The following CIT variants were observed in gnomAD, a reference collection of about 807,000 sequenced individuals.
The protein encoded by CIT is citron rho-interacting serine/threonine kinase, also known as citron Rho-interacting kinase.
A neutral mutation model predicts 272.7 loss-of-function variants in CIT; 79 were observed. The ratio of observed to expected loss-of-function variants is 0.29; its 90% confidence interval spans 0.24 to 0.35. The LOEUF (loss-of-function observed/expected upper bound fraction) is 0.35, where lower values mean the gene tolerates loss of function less well. CIT is among the 10% of genes least tolerant of loss of function. The probability of loss-of-function intolerance (pLI) is 1.00; values close to 1 mark genes in which losing one functional copy is unlikely to be tolerated. For synonymous variants in CIT, 948 were observed against 995.6 expected (o/e 0.95, Z 0.90); for missense variants, 1,909 against 2,618.3 (o/e 0.73, Z 5.91).
At chr12:119,734,075 CG>C in intron 26 of CIT, 88 bp downstream of exon 26, 1 of 1,371,616 alleles carries the variant, frequency 7.3e-7, no homozygotes, top group Non-Finnish European at 9.9e-7. Context: ...TCAGTCTCGG[CG>C]GGAATAGCTG....
intron 13 of CIT, among the ~76,000 whole-genome samples, chr12:119,780,066 C>G (rs1347130855): frequency 2.0e-5 from 3 of 152,116 alleles, no homozygotes; most frequent in Admixed American, 6.5e-5. Flanking sequence ...CGCAAGTCTT[C>G]TGAATGGAGC....
At position 119,718,905 on chromosome 12, in the gene CIT, C is replaced by T; in HGVS notation, c.3841-44G>A. ...ATATCTCCTAACTCCTGGAAACTGG[C>T]ACTTGAAACTAGCTAAAGGAAATCT... On this transcript the variant is annotated intron_variant, in intron 30 of 47. Transcript: ENST00000392521. The surrounding 1 kb of genome is among the most constrained non-coding windows in gnomAD (Gnocchi z 4.8). 6.3e-7 allele frequency: 1 copy of T among 1,596,236 alleles called. No individual in the cohort carries two copies. The highest frequency in any genetic ancestry group is 8.6e-7 in the Non-Finnish European group (1 of 1,165,744).
chr12:119,862,823 A>AAAAAAAAAAAAAAAAAAG (rs1950387132), intron 3 of CIT, among the ~76,000 whole-genome samples: 1 of 134,200 alleles, frequency 7.5e-6, no homozygotes, highest in African/African-American at 3.2e-5. Flanking sequence ...AAAAAAAAAA[A>AAAAAAAAAAAAAAAAAAG]AAAAAAAAAA....
Position 119,720,478 on chromosome 12 carries a change from CT to C in CIT, c.3839del (p.Lys1280ArgfsTer24). On this transcript the variant is annotated frameshift_variant and splice_region_variant, in exon 30 of 48. Coordinates refer to ENST00000392521, the MANE Select transcript of CIT (RefSeq NM_001206999.2). LOFTEE classifies it high-confidence loss of function. ...CCACTTTTCAAACACTTTGACTCAC[CT>C]TTTTCTTTTTAGCAGGTTGGTCCAT... ...AKMDQPAKKKKGLFSRRKEDP... is the reference protein window; with the variant it reads ...AKMDQPAKKKXGLFSRRKEDP... The C allele has an allele frequency of 1.9e-6, 3 of 1,605,612 alleles. No individual in the cohort carries two copies. Among genetic ancestry groups the C allele is most frequent in the Non-Finnish European group, 1.7e-6 (2 of 1,176,010 alleles).
At chr12:119,855,854 A>G (rs1018584400) in intron 4 of CIT, among the ~76,000 whole-genome samples, 1 of 152,042 alleles carries the variant, frequency 6.6e-6, no homozygotes. Context: ...ATTTCCCATC[A>G]AAAACATAAG....
intron 24 of CIT, among the ~76,000 whole-genome samples, chr12:119,741,485 T>C (rs1959056309): frequency 6.6e-6 from 1 of 152,244 alleles, no homozygotes. Flanking sequence ...CATTATTATG[T>C]GCTTTACTAG....
Position 119,689,695 on chromosome 12 carries a change from T to TTTTTTTG in CIT, c.6186+455_6186+456insCAAAAAA, listed in dbSNP as rs1555213865. Among the ~76,000 whole-genome samples the TTTTTTTG allele has an allele frequency of 7.7e-5, 11 of 142,270 alleles. 1 individual carries two copies. Among genetic ancestry groups the TTTTTTTG allele is most frequent in the African/African-American group, 2.9e-4 (11 of 37,304 alleles). The allele number at this position is 142,270 out of a possible 152,430, so 93.3% of individuals were successfully genotyped here. A position where few individuals can be genotyped will look rare whatever the true frequency, so the allele number is the denominator to read the frequency against. On this transcript the variant is annotated intron_variant, in intron 47 of 47. Coordinates refer to ENST00000392521, the MANE Select transcript of CIT (RefSeq NM_001206999.2). Reference sequence around the variant, plus strand: ...TTTTTTTTTTTTTTTTTTTTTTTTTTAAGACAGAGTCTCGCTCTGTCACCC... The same window carrying TTTTTTTG: ...TTTTTTTTTTTTTTTTTTTTTTTTTTTTTTTTGAAGACAGAGTCTCGCTCTGTCACCC...
At chr12:119,864,073 T>G (rs1164858228) in intron 3 of CIT, among the ~76,000 whole-genome samples, 3 of 152,020 alleles carry the variant, frequency 2.0e-5, no homozygotes, top group Middle Eastern at 6.3e-3. Flanking sequence ...CAGACTCAGA[T>G]GCACGTTTAA....
chr12:119,687,703 C>G lies in CIT; in HGVS notation c.*529G>C, dbSNP rs780927603. The G allele has an allele frequency of 1.3e-5, 2 of 152,196 alleles. No individual in the cohort carries two copies. The highest frequency in any genetic ancestry group is 4.9e-5 in the African/African-American group (2 of 40,828). 9.4% of individuals were successfully genotyped at this position (152,196 alleles called of 1,614,324 possible). ...ACCGGGACTGTTCTACACTATGCCTCGGTGGCAAAGACCTGATGATGTGGT... is the reference window on the plus strand; with the variant it reads ...ACCGGGACTGTTCTACACTATGCCTGGGTGGCAAAGACCTGATGATGTGGT... On this transcript the variant is annotated 3_prime_UTR_variant, in exon 48 of 48. Coordinates refer to ENST00000392521, the MANE Select transcript of CIT (RefSeq NM_001206999.2).
At chr12:119,720,415 T>C in intron 30 of CIT, 63 bp downstream of exon 30, 1 of 1,036,838 alleles carries the variant, frequency 9.6e-7, no homozygotes, top group Non-Finnish European at 1.5e-6. Flanking sequence ...CACAGTGGTG[T>C]CCACTGAGCC....
rs1177339008 is a variant in CIT, at chr12:119,694,221, ATCACCCAT to A, written c.5882+3430_5882+3437del. Among the ~76,000 whole-genome samples the A allele has an allele frequency of 6.6e-6, 1 of 152,218 alleles. No individual in the cohort carries two copies. The highest frequency in any genetic ancestry group is 1.5e-5 in the Non-Finnish European group (1 of 68,050). On this transcript the variant is annotated intron_variant, in intron 46 of 47. Coordinates refer to ENST00000392521, the MANE Select transcript of CIT (RefSeq NM_001206999.2). The surrounding 1 kb of genome is among the most constrained non-coding windows in gnomAD (Gnocchi z 4.5). ...TCAGATTTACAAATCCACATCAGCC[ATCACCCAT>A]TCACCCACACTTTTCTAGGAATTTA...
chr12:119,749,832 C>A (rs998115425), intron 23 of CIT, among the ~76,000 whole-genome samples: 4 of 152,126 alleles, frequency 2.6e-5, no homozygotes, highest in East Asian at 1.9e-4. Flanking sequence ...ACAGCACATT[C>A]CAACCAGCAG....
chr12:119,823,173 T>C (rs1967870982), intron 8 of CIT, among the ~76,000 whole-genome samples, 200 bp from the exon 9 acceptor site: 1 of 152,186 alleles, frequency 6.6e-6, no homozygotes, highest in Non-Finnish European at 1.5e-5. Flanking sequence ...GCTTAGTTCC[T>C]TTGTAGGGGT....
Position 119,713,806 on chromosome 12 carries a change from C to A in CIT, c.4307-158G>T. ...CTCCTGAGCTTCCCCTGGTGCCAGGCCCCTGCAGAAAGGGAAAACAAAAGT... is the reference window on the plus strand; with the variant it reads ...CTCCTGAGCTTCCCCTGGTGCCAGGACCCTGCAGAAAGGGAAAACAAAAGT... On this transcript the variant is annotated intron_variant, in intron 33 of 47. Transcript: ENST00000392521. This position sits in a 1 kb window ranked among gnomAD's most constrained non-coding sequence, Gnocchi z 5.2. The A allele has an allele frequency of 1.4e-6, 1 of 738,858 alleles. No individual in the cohort carries two copies. The highest frequency in any genetic ancestry group is 1.8e-5 in the South Asian group (1 of 55,050). 45.8% of individuals were successfully genotyped at this position (738,858 alleles called of 1,614,324 possible).
At chr12:119,855,759 A>T (rs1970546585) in intron 4 of CIT, among the ~76,000 whole-genome samples, 1 of 152,130 alleles carries the variant, frequency 6.6e-6, no homozygotes, top group South Asian at 2.1e-4. Flanking sequence ...CAGGCCATTC[A>T]CCTGGAGGAA....
At chr12:119,757,791 G>A (rs1961211028) in intron 21 of CIT, among the ~76,000 whole-genome samples, 2 of 152,268 alleles carry the variant, frequency 1.3e-5, no homozygotes, top group African/African-American at 4.8e-5. Context: ...TAAGGTCCAG[G>A]AGGATGCAAG....
intron 2 of CIT, 136 bp downstream of exon 2, chr12:119,875,937 G>A (rs1950829819): frequency 5.3e-6 from 3 of 568,976 alleles, no homozygotes; most frequent in Admixed American, 3.4e-5. Flanking sequence ...GCAGTGAGCT[G>A]AGATTGCACC....
chr12:119,715,736 T>C (rs1957428938), intron 32 of CIT, among the ~76,000 whole-genome samples: 1 of 152,230 alleles, frequency 6.6e-6, no homozygotes, highest in South Asian at 2.1e-4. Context: ...TAGAACAGGT[T>C]AGTTACAGAT....
At chr12:119,830,688 G>A (rs59107906) in intron 7 of CIT, among the ~76,000 whole-genome samples, 2,800 of 152,130 alleles carry the variant, frequency 0.018, 79 homozygotes, top group African/African-American at 0.063. Flanking sequence ...TGGAGGGGAG[G>A]GTGCTAATGG....
Sources: gnomAD v4.1 joint callset for allele counts (sites outside exome capture counted in the v4.1 genomes callset) on GRCh38, gnomAD v4.1.1 for gene constraint, Gnocchi (gnomAD v3.1) non-coding constraint, MANE v1.5 for transcripts, NCBI Gene and HGNC (gene_info 2026-07-23, HGNC 2026-07-21) for gene names.